TAFA1: variants seen among roughly 807,000 people sequenced by gnomAD.
The protein encoded by TAFA1 is TAFA chemokine like family member 1, also known as chemokine-like protein TAFA-1.
In TAFA1, 4 loss-of-function variants were observed where a neutral mutation model predicts 18.5. That is an observed-to-expected ratio of 0.22 (90% CI 0.11 to 0.49). TAFA1 has a LOEUF of 0.49. TAFA1 is among the 20% of genes least tolerant of loss of function. The pLI, the probability that TAFA1 is intolerant of heterozygous loss-of-function variation, is 0.98. For missense variants in TAFA1, 147 were observed against 169.0 expected, an observed-to-expected ratio of 0.87 and a Z score of 0.72; for synonymous variants, 56 against 55.2, an observed-to-expected ratio of 1.01 and a Z score of -0.06.
At chr3:68,197,570 GC>G (rs1320209826) in intron 2 of TAFA1, among the ~76,000 whole-genome samples, 1 of 145,186 alleles carries the variant, frequency 6.9e-6, no homozygotes, top group Non-Finnish European at 1.5e-5. Context: ...AAATGTCAAT[GC>G]CTTTTTTTTT....
chr3:68,347,435 A>G (rs1247369283), intron 2 of TAFA1, among the ~76,000 whole-genome samples: 1 of 152,206 alleles, frequency 6.6e-6, no homozygotes, highest in African/African-American at 2.4e-5. Flanking sequence ...GTTCTCCTGT[A>G]GTGCAGCACC....
chr3:68,262,333 A>G (rs1371954664), intron 2 of TAFA1, among the ~76,000 whole-genome samples: 4 of 92,056 alleles, frequency 4.3e-5, no homozygotes, highest in African/African-American at 1.8e-4. Flanking sequence ...ATATATATAT[A>G]TATATATATA....
intron 2 of TAFA1, among the ~76,000 whole-genome samples, chr3:68,075,777 GC>G: frequency 6.6e-6 from 1 of 150,580 alleles, no homozygotes; most frequent in South Asian, 2.1e-4. Context: ...GCTCACTGCA[GC>G]TTTGACCTTC....
At chr3:68,045,443 T>C (rs1705247848) in intron 2 of TAFA1, among the ~76,000 whole-genome samples, 1 of 152,142 alleles carries the variant, frequency 6.6e-6, no homozygotes. Flanking sequence ...TAATCCACCA[T>C]AGTTAGTATT....
chr3:68,381,256 C>T (rs1003356366), intron 2 of TAFA1, among the ~76,000 whole-genome samples: 2 of 151,510 alleles, frequency 1.3e-5, no homozygotes. Flanking sequence ...AATGTGGGCT[C>T]TTTTTTGGTT....
intron 3 of TAFA1, among the ~76,000 whole-genome samples, chr3:68,495,958 T>G (rs2072538735): frequency 7.3e-6 from 1 of 136,290 alleles, no homozygotes; most frequent in African/African-American, 2.8e-5. Context: ...CTCACTTGCC[T>G]CTTGAAATAA....
intron 2 of TAFA1, among the ~76,000 whole-genome samples, chr3:68,064,113 A>C (rs2064642052): frequency 6.6e-6 from 1 of 152,214 alleles, no homozygotes; most frequent in South Asian, 2.1e-4. Context: ...AAAGCAAAAT[A>C]GGGGAGAACC....
intron 2 of TAFA1, among the ~76,000 whole-genome samples, chr3:68,368,114 GA>G (rs1478144440): frequency 6.6e-6 from 1 of 152,112 alleles, no homozygotes; most frequent in East Asian, 1.9e-4. Flanking sequence ...TTAATTGCCT[GA>G]AATTTTCATT....
intron 2 of TAFA1, among the ~76,000 whole-genome samples, chr3:68,136,136 G>A (rs2065603794): frequency 6.6e-6 from 1 of 152,088 alleles, no homozygotes; most frequent in Non-Finnish European, 1.5e-5. Flanking sequence ...GATTTTGACT[G>A]ATAGCCTAGT....
chr3:68,337,552 G>A (rs887395795), intron 2 of TAFA1, among the ~76,000 whole-genome samples: 3 of 152,142 alleles, frequency 2.0e-5, no homozygotes, highest in African/African-American at 4.8e-5. Flanking sequence ...ATACTATTTG[G>A]TGAGTTTGGA....
intron 3 of TAFA1, among the ~76,000 whole-genome samples, chr3:68,524,474 A>G (rs1191027397): frequency 6.6e-6 from 1 of 152,164 alleles, no homozygotes; most frequent in Non-Finnish European, 1.5e-5. Context: ...CAATCAGAAA[A>G]TAGAAATTTA....
intron 2 of TAFA1, among the ~76,000 whole-genome samples, chr3:68,198,967 C>A (rs941959760): frequency 2.0e-5 from 3 of 151,404 alleles, no homozygotes; most frequent in Non-Finnish European, 3.0e-5. Context: ...TCTAGAATTT[C>A]TTTTATGTTA....
chr3:68,045,504 A>G lies in TAFA1; in HGVS notation c.118+38760A>G, dbSNP rs1168917276. The stretch of plus-strand genomic sequence containing the variant: ...AAATGTGGGCTCTTCTGCCTTTACC[A>G]CAAATTGTGCGGCCTTGGGAAGCTC... On this transcript the variant is annotated intron_variant, in intron 2 of 4. Transcript: ENST00000478136. Among the ~76,000 whole-genome samples, 3 of 152,146 alleles carry G rather than the reference A, an allele frequency of 2.0e-5. No individual in the cohort carries two copies. The East Asian group carries it at 5.8e-4, about 29-fold the overall frequency.
intron 2 of TAFA1, among the ~76,000 whole-genome samples, chr3:68,048,614 C>G (rs1310250533): frequency 2.0e-5 from 3 of 152,082 alleles, no homozygotes; most frequent in South Asian, 2.1e-4. Context: ...CCCTACTAGC[C>G]TTCCCAGCCT....
rs558644649 is a variant in TAFA1 at position 68,167,157 on chromosome 3, A to G, written c.118+160413A>G. On this transcript the variant is annotated intron_variant, in intron 2 of 4. Transcript: ENST00000478136. ...GGCTGGTTAGTGCTGTGGTTGGGAC[A>G]TAAACTCAGGTCTGCCGAATGAAAA... Among the ~76,000 whole-genome samples the G allele has an allele frequency of 3.3e-5, 5 of 152,356 alleles. No individual in the cohort carries two copies. The South Asian group carries it at 1.0e-3, about 32-fold the overall frequency.
At chr3:68,068,390 C>T (rs537444534) in intron 2 of TAFA1, among the ~76,000 whole-genome samples, 14 of 152,194 alleles carry the variant, frequency 9.2e-5, no homozygotes, top group East Asian at 3.9e-4. Flanking sequence ...CTAGCTCAGA[C>T]GGATTTCTCT....
At chr3:68,411,796 T>A (rs1418802771) in intron 2 of TAFA1, among the ~76,000 whole-genome samples, 1 of 152,182 alleles carries the variant, frequency 6.6e-6, no homozygotes, top group Non-Finnish European at 1.5e-5. Context: ...TCTAAAAATT[T>A]TACTTTTTTA....
intron 3 of TAFA1, among the ~76,000 whole-genome samples, chr3:68,475,969 T>C (rs1270429531): frequency 2.0e-5 from 3 of 152,200 alleles, no homozygotes; most frequent in Admixed American, 2.0e-4. Context: ...TTTTGAGAAG[T>C]GTCTGTTCAT....
chr3:68,022,873 G>T lies in TAFA1; in HGVS notation c.118+16129G>T, dbSNP rs140168363. On this transcript the variant is annotated intron_variant, in intron 2 of 4. Transcript: ENST00000478136. ...ATATATATATATAAAATTAAGATTT[G>T]TATTAAGTGTTTACTATGTGCCTGG... Among the ~76,000 whole-genome samples, 374 of 137,270 alleles carry T rather than the reference G, an allele frequency of 2.7e-3. 3 individuals carry two copies. Among genetic ancestry groups the T allele is most frequent in the African/African-American group, 9.8e-3 (333 of 33,956 alleles). The allele number at this position is 137,270 out of a possible 152,430, so 90.1% of individuals were successfully genotyped here. A position where few individuals can be genotyped will look rare whatever the true frequency, so the allele number is the denominator to read the frequency against.
Sources: gnomAD v4.1 joint callset for allele counts (sites outside exome capture counted in the v4.1 genomes callset) on GRCh38, gnomAD v4.1.1 for gene constraint, MANE v1.5 for transcripts, NCBI Gene and HGNC (gene_info 2026-07-23, HGNC 2026-07-21) for gene names.